WASHC2A: variants seen among roughly 807,000 people sequenced by gnomAD.
WASHC2A encodes WASH complex subunit FAM21A.
In WASHC2A, 82 loss-of-function variants were observed where a neutral mutation model predicts 140.3. The observed-to-expected ratio is 0.58, with a 90% CI of 0.49 to 0.70. The LOEUF is 0.70. Ranked by LOEUF, WASHC2A falls within the 30% of genes least tolerant of loss-of-function variation. WASHC2A has a pLI of 0.00. For missense variants in WASHC2A, 985 were observed against 1,521.8 expected (o/e 0.65, Z 5.87); for synonymous variants, 340 against 560.8 (o/e 0.61, Z 5.56).
chr10:50,087,224 T>C (rs1194824611), intron 7 of WASHC2A, 51 bp from the exon 8 acceptor site: 218 of 1,612,546 alleles, frequency 1.4e-4, no homozygotes, highest in Non-Finnish European at 1.7e-4. Flanking sequence ...ATCATTTCTG[T>C]GCTTCTAAGT....
At chr10:50,128,872 A>C (rs1263863024) in intron 28 of WASHC2A, among the ~76,000 whole-genome samples, 3 of 151,732 alleles carry the variant, frequency 2.0e-5, no homozygotes, top group African/African-American at 7.3e-5. Flanking sequence ...CATATTTCTT[A>C]TGTGGAATAT....
At chr10:50,104,577 G>A (rs567317399) in intron 18 of WASHC2A, among the ~76,000 whole-genome samples, 2,057 of 152,056 alleles carry the variant, frequency 0.014, 45 homozygotes, top group African/African-American at 0.047. Flanking sequence ...GGCTAGTTTC[G>A]AACTCCTGAT....
intron 3 of WASHC2A, among the ~76,000 whole-genome samples, chr10:50,071,615 A>G (rs1403070146): frequency 6.7e-6 from 1 of 150,218 alleles, no homozygotes; most frequent in African/African-American, 2.5e-5. Context: ...AGGGAAGTTT[A>G]CTTTGTACCC....
intron 28 of WASHC2A, among the ~76,000 whole-genome samples, chr10:50,128,146 G>C (rs1459147279): frequency 1.2e-4 from 18 of 151,190 alleles, no homozygotes; most frequent in Admixed American, 2.6e-4. Context: ...CTACTCCAAG[G>C]AGAGCATTCG....
rs1554888603 is a variant in WASHC2A at position 50,106,439 on chromosome 10, G to A, written c.1843G>A (p.Ala615Thr). Residue 615 changes from alanine (A) to threonine (T), a missense_variant, in exon 19 of 31, where the codon GCC (alanine) becomes ACC (threonine). Physicochemically the swap from Ala to Thr is moderately conservative, Grantham distance 58. Coordinates refer to ENST00000282633, the MANE Select transcript of WASHC2A (RefSeq NM_001005751.3). ...ASELSKKKAS[A>T]LLFSSDEEDQ... ...CGAGCTCTCCAAAAAGAAAGCATCT[G>A]CCCTGTTGTTCAGCAGTGATGAGGA... 1 of 1,611,536 alleles carries A rather than the reference G, an allele frequency of 6.2e-7. No homozygotes were observed. The highest frequency in any genetic ancestry group is 2.2e-5 in the East Asian group (1 of 44,864).
chr10:50,074,643 G>A (rs1286368182), intron 3 of WASHC2A, among the ~76,000 whole-genome samples: 31 of 152,058 alleles, frequency 2.0e-4, no homozygotes, highest in African/African-American at 9.7e-5. Flanking sequence ...ACAGTAGGCC[G>A]GGTGCGGTGG....
chr10:50,088,406 A>G (rs1302053693), intron 8 of WASHC2A, among the ~76,000 whole-genome samples: 2 of 148,778 alleles, frequency 1.3e-5, no homozygotes, highest in Non-Finnish European at 3.0e-5. Flanking sequence ...AGCTGGGACT[A>G]TGGGTGTGTG....
intron 3 of WASHC2A, among the ~76,000 whole-genome samples, chr10:50,070,215 C>T (rs183628712): frequency 2.9e-3 from 436 of 152,196 alleles, no homozygotes; most frequent in Non-Finnish European, 4.6e-3. Flanking sequence ...GAGCTTAAAT[C>T]TATGTGTGAT....
chr10:50,070,171 CT>C (rs782651357), intron 3 of WASHC2A, among the ~76,000 whole-genome samples: 3 of 152,118 alleles, frequency 2.0e-5, no homozygotes, highest in Non-Finnish European at 4.4e-5. Flanking sequence ...GATGGCTGAA[CT>C]TACAATATGG....
intron 23 of WASHC2A, among the ~76,000 whole-genome samples, chr10:50,124,726 G>T (rs1435063655): frequency 2.0e-5 from 3 of 151,066 alleles, no homozygotes; most frequent in African/African-American, 7.3e-5. Flanking sequence ...GAGATGAAGA[G>T]AATTCATTCA....
intron 16 of WASHC2A, among the ~76,000 whole-genome samples, chr10:50,099,445 G>C (rs1379126084): frequency 1.3e-5 from 2 of 150,224 alleles, no homozygotes; most frequent in African/African-American, 2.5e-5. Context: ...AATTTTTTGT[G>C]GAGACGGGTT....
intron 19 of WASHC2A, among the ~76,000 whole-genome samples, chr10:50,108,852 A>C (rs1842011361): frequency 2.7e-5 from 3 of 111,700 alleles, no homozygotes; most frequent in South Asian, 3.6e-4. Context: ...ACTGCACTCC[A>C]GCCCGGGCCA....
intron 3 of WASHC2A, among the ~76,000 whole-genome samples, chr10:50,074,513 A>G (rs1240313768): frequency 1.3e-5 from 2 of 151,944 alleles, no homozygotes; most frequent in African/African-American, 4.8e-5. Context: ...CAATTAGGAA[A>G]AGTAAGAAAA....
At chr10:50,132,406 C>A (rs1844054585) in intron 30 of WASHC2A, among the ~76,000 whole-genome samples, 1 of 152,358 alleles carries the variant, frequency 6.6e-6, no homozygotes, top group South Asian at 2.1e-4. Flanking sequence ...TGAAAGAAAA[C>A]AGGTGGGTCC....
intron 14 of WASHC2A, 39 bp downstream of exon 14, chr10:50,095,246 A>G: frequency 6.8e-7 from 1 of 1,463,886 alleles, no homozygotes; most frequent in Non-Finnish European, 9.3e-7. Context: ...AACTACACAA[A>G]TACTGTTTTT....
intron 11 of WASHC2A, among the ~76,000 whole-genome samples, chr10:50,092,829 A>G (rs1374483042): frequency 4.6e-5 from 7 of 152,178 alleles, no homozygotes; most frequent in Non-Finnish European, 7.3e-5. Context: ...TTTGTTTTCA[A>G]TAAAGGATAC....
In WASHC2A at chr10:50,106,344, T is replaced by C; in HGVS notation, c.1748T>C (p.Phe583Ser). 3.1e-6 allele frequency: 5 copies of C among 1,611,852 alleles called. No homozygotes were observed. Among genetic ancestry groups the C allele is most frequent in the Non-Finnish European group, 4.2e-6 (5 of 1,179,832 alleles). The change falls in exon 19 of 31, where the codon TTT (phenylalanine) becomes TCT (serine). Residue 583 changes from phenylalanine (F) to serine (S), a missense_variant. Transcript: ENST00000282633. ...FDDEDEEDNL[F>S]GGTAAKKQTL... Reference sequence around the variant, plus strand: ...CATTTGCTTTTCTAGGATAATCTTTTTGGGGGTACAGCTGCTAAGAAGCAG... The same window carrying C: ...CATTTGCTTTTCTAGGATAATCTTTCTGGGGGTACAGCTGCTAAGAAGCAG...
chr10:50,092,969 G>A (rs1339228713), intron 11 of WASHC2A, among the ~76,000 whole-genome samples: 19 of 113,760 alleles, frequency 1.7e-4, no homozygotes, highest in East Asian at 1.6e-3. Context: ...TGAATGTGGC[G>A]TCTGACCCGA....
Position 50,129,408 on chromosome 10 carries a change from T to G in WASHC2A, c.3088-11T>G. On this transcript the variant is annotated splice_polypyrimidine_tract_variant and intron_variant, in intron 28 of 30. Coordinates refer to ENST00000282633, the MANE Select transcript of WASHC2A (RefSeq NM_001005751.3). The stretch of plus-strand genomic sequence containing the variant: ...ATCGTCAGATCAATGTGTGTTTTTT[T>G]GCCATTGCAGAGCCGTGTCAAGATG... The G allele has an allele frequency of 6.2e-7, 1 of 1,612,096 alleles. No individual in the cohort carries two copies. The highest frequency in any genetic ancestry group is 8.5e-7 in the Non-Finnish European group (1 of 1,179,878).
Sources: allele counts gnomAD v4.1 joint callset (sites outside exome capture counted in the v4.1 genomes callset), GRCh38; gene constraint gnomAD v4.1.1; transcripts MANE v1.5; gene names NCBI Gene and HGNC (gene_info 2026-07-23, HGNC 2026-07-21).